The following KDM4B variants were observed in gnomAD, a reference collection of about 807,000 sequenced individuals.
KDM4B encodes lysine-specific demethylase 4B.
KDM4B carries 32 observed loss-of-function variants against 125.2 expected under a neutral mutation model. The observed-to-expected ratio is 0.26, with a 90% CI of 0.19 to 0.34. The LOEUF (loss-of-function observed/expected upper bound fraction) is 0.34. KDM4B is among the 10% of genes least tolerant of loss of function. The pLI is 1.00. For missense variants in KDM4B, 1,190 were observed against 1,577.7 expected, an observed-to-expected ratio of 0.75 and a Z score of 4.16; for synonymous variants, 721 against 677.9, an observed-to-expected ratio of 1.06 and a Z score of -0.99.
At chr19:5,053,486 A>G (rs144368918) in intron 6 of KDM4B, among the ~76,000 whole-genome samples, 2 of 152,328 alleles carry the variant, frequency 1.3e-5, no homozygotes, top group East Asian at 3.9e-4. Flanking sequence ...GACCCTGGTC[A>G]TTAGAAAATG....
chr19:5,111,303 A>G (rs1256606394), intron 10 of KDM4B: 6 of 718,778 alleles, frequency 8.3e-6, no homozygotes, highest in East Asian at 2.5e-5. Context: ...GGCTGCTTGG[A>G]TTTGAGATCG....
chr19:5,017,096 T>G (rs2035916357), intron 2 of KDM4B, among the ~76,000 whole-genome samples: 1 of 152,190 alleles, frequency 6.6e-6, no homozygotes, highest in Non-Finnish European at 1.5e-5. Flanking sequence ...GTGTGCCGCT[T>G]CCCTGTGCAG....
At chr19:5,014,272 G>GTGTTTTGTTTTGTTT (rs566641543) in intron 1 of KDM4B, among the ~76,000 whole-genome samples, 1 of 152,082 alleles carries the variant, frequency 6.6e-6, no homozygotes, top group Non-Finnish European at 1.5e-5. Context: ...ACCCGGCTAA[G>GTGTTTTGTTTTGTTT]TGTTTTGTTT....
intron 6 of KDM4B, among the ~76,000 whole-genome samples, chr19:5,066,138 C>T (rs2037762592): frequency 6.6e-6 from 1 of 152,234 alleles, no homozygotes. Context: ...CTTCTGGGTC[C>T]CAGCCCCTCG....
chr19:5,132,693 G>A (rs1440060600), intron 13 of KDM4B, among the ~76,000 whole-genome samples: 7 of 151,066 alleles, frequency 4.6e-5, no homozygotes, highest in African/African-American at 1.7e-4. Flanking sequence ...CCTTCCAGAA[G>A]GCATCTCTGG....
At chr19:5,122,189 T>G (rs2146026181) in intron 11 of KDM4B, among the ~76,000 whole-genome samples, 1 of 152,254 alleles carries the variant, frequency 6.6e-6, no homozygotes, top group East Asian at 1.9e-4. Context: ...CCTGCCTGTC[T>G]CAGTGTCTAG....
rs1029535871 is a variant in KDM4B, at chr19:5,144,643, C to T, written c.2902-140C>T. On this transcript the variant is annotated intron_variant, in intron 20 of 22. Coordinates refer to ENST00000159111, the MANE Select transcript of KDM4B (RefSeq NM_015015.3). Reference sequence around the variant, plus strand: ...CCGCAGCCAGGGCTCTGCACCGCCCCGCTACCCCGGGCCCCCGCAGCCAGC... The same window carrying T: ...CCGCAGCCAGGGCTCTGCACCGCCCTGCTACCCCGGGCCCCCGCAGCCAGC... 12 of 1,275,938 alleles carry T rather than the reference C, an allele frequency of 9.4e-6. No homozygotes were observed. In the Admixed American group the frequency reaches 1.1e-4, roughly 12 times the overall value. The allele number at this position is 1,275,938 out of a possible 1,614,324, so 79.0% of individuals were successfully genotyped here.
At chr19:5,057,007 A>G (rs2037420904) in intron 6 of KDM4B, among the ~76,000 whole-genome samples, 1 of 151,092 alleles carries the variant, frequency 6.6e-6, no homozygotes, top group Non-Finnish European at 1.5e-5. Context: ...GACATAAAGC[A>G]TGTAAGTACC....
At chr19:5,038,578 G>A (rs1049768149) in intron 3 of KDM4B, among the ~76,000 whole-genome samples, 5 of 152,206 alleles carry the variant, frequency 3.3e-5, no homozygotes, top group South Asian at 4.1e-4. Context: ...TGTCTTCTCC[G>A]CGTGTTCCAG....
rs12611031 is a variant in KDM4B, at chr19:5,152,114, G to T, written c.*603G>T. The T allele has an allele frequency of 0.15, 19,156 of 129,388 alleles. 1,484 individuals are homozygous for T. The highest frequency in any genetic ancestry group is 0.29 in the East Asian group (1,454 of 4,948). 8.0% of individuals were successfully genotyped at this position (129,388 alleles called of 1,614,324 possible). ...GGTAATTGGAGGGTGAGCCTCGGGG[G>T]GGGGGCAGGACGCCCCGGTTTCGGC... On this transcript the variant is annotated 3_prime_UTR_variant, in exon 23 of 23. Coordinates refer to ENST00000159111, the MANE Select transcript of KDM4B (RefSeq NM_015015.3).
chr19:5,078,963 TC>T lies in KDM4B; in HGVS notation c.780+1495del, dbSNP rs1208219756. ...CCTGTGCCGCCCGGCCTGGGGACCG[TC>T]CTTCAGCCTCTCAGACGCCATGGGC... On this transcript the variant is annotated intron_variant, in intron 8 of 22. Transcript: ENST00000159111. This position sits in a 1 kb window ranked among gnomAD's most constrained non-coding sequence, Gnocchi z 4.5. 6.6e-6 allele frequency: 1 copy of T among 152,140 alleles called. No homozygotes were observed. Among genetic ancestry groups the T allele is most frequent in the Non-Finnish European group, 1.5e-5 (1 of 68,030 alleles). 9.4% of individuals were successfully genotyped at this position (152,140 alleles called of 1,614,324 possible).
intron 1 of KDM4B, among the ~76,000 whole-genome samples, chr19:4,981,316 G>A (rs1457213412): frequency 1.3e-5 from 2 of 151,664 alleles, no homozygotes; most frequent in Non-Finnish European, 2.9e-5. Flanking sequence ...TGTCCCCCTC[G>A]TCCTGTTTTT....
chr19:5,138,926 GCTT>G (rs2146085415), intron 18 of KDM4B, among the ~76,000 whole-genome samples: 1 of 152,274 alleles, frequency 6.6e-6, no homozygotes, highest in East Asian at 1.9e-4. Context: ...TCTGCGACCG[GCTT>G]CTTTCTTAAG....
chr19:5,032,416 C>T (rs2036486811), intron 2 of KDM4B, among the ~76,000 whole-genome samples: 1 of 152,226 alleles, frequency 6.6e-6, no homozygotes, highest in Admixed American at 6.5e-5. Flanking sequence ...GGGGTGGGTC[C>T]CCCTGCCCTT....
chr19:5,010,626 C>T (rs1353994426), intron 1 of KDM4B, among the ~76,000 whole-genome samples: 1 of 152,120 alleles, frequency 6.6e-6, no homozygotes, highest in Non-Finnish European at 1.5e-5. Flanking sequence ...TGTCCCTCTT[C>T]CCCATTTATC....
rs1367143882 is a variant in KDM4B, at chr19:5,142,774, C to T, written c.2551-1193C>T. On this transcript the variant is annotated intron_variant, in intron 18 of 22. Transcript: ENST00000159111. This position sits in a 1 kb window ranked among gnomAD's most constrained non-coding sequence, Gnocchi z 5.4. ...GTGTGATGGGAGAATTGGGTATTTA[C>T]AGTTTAATAACGAGATCTCGATGCC... Among the ~76,000 whole-genome samples, 1 of 152,032 alleles carries T rather than the reference C, an allele frequency of 6.6e-6. No homozygotes were observed. The highest frequency in any genetic ancestry group is 1.5e-5 in the Non-Finnish European group (1 of 68,010).
At position 5,077,255 on chromosome 19, in the gene KDM4B, C is replaced by G. The variant is rs1599566252; in HGVS notation, c.677-112C>G. 4 of 862,694 alleles carry G rather than the reference C, an allele frequency of 4.6e-6. No individual in the cohort carries two copies. In the East Asian group the frequency reaches 9.7e-5, roughly 21 times the overall value. The allele number at this position is 862,694 out of a possible 1,614,324, so 53.4% of individuals were successfully genotyped here. A position where few individuals can be genotyped will look rare whatever the true frequency, so the allele number is the denominator to read the frequency against. On this transcript the variant is annotated intron_variant, in intron 7 of 22. Coordinates refer to ENST00000159111, the MANE Select transcript of KDM4B (RefSeq NM_015015.3). The stretch of plus-strand genomic sequence containing the variant: ...AGATCTGGGCCGTGCTCTGTGCTCC[C>G]ACACGCCCGCTCTCCATGGGAGGAA...
chr19:5,011,396 TC>T (rs2035722852), intron 1 of KDM4B, among the ~76,000 whole-genome samples: 1 of 152,328 alleles, frequency 6.6e-6, no homozygotes, highest in South Asian at 2.1e-4. Flanking sequence ...GCTCCTGAGT[TC>T]ATACTCATAG....
At chr19:4,989,610 G>A (rs1235665801) in intron 1 of KDM4B, among the ~76,000 whole-genome samples, 7 of 151,812 alleles carry the variant, frequency 4.6e-5, no homozygotes, top group Non-Finnish European at 8.8e-5. Context: ...CAAAGTGCTC[G>A]GATTACAGGC....
Sources: allele counts gnomAD v4.1 joint callset (sites outside exome capture counted in the v4.1 genomes callset), GRCh38; gene constraint gnomAD v4.1.1; non-coding constraint Gnocchi (gnomAD v3.1); transcripts MANE v1.5; gene names NCBI Gene and HGNC (gene_info 2026-07-23, HGNC 2026-07-21).